ZNF491: variants seen among roughly 807,000 people sequenced by gnomAD.
The protein encoded by ZNF491 is zinc finger protein 491.
In ZNF491, 22 loss-of-function variants were observed where a neutral mutation model predicts 34.7. That is an observed-to-expected ratio of 0.63 (90% CI 0.45 to 0.90). The LOEUF is 0.90. Among genes scored for constraint, ZNF491 ranks in the 40% least tolerant of loss-of-function variants. The probability of loss-of-function intolerance (pLI) is 0.00; values close to 1 mark genes in which losing one functional copy is unlikely to be tolerated. For missense variants in ZNF491, 559 were observed against 531.7 expected (o/e 1.05, Z -0.51); for synonymous variants, 148 against 174.3 (o/e 0.85, Z 1.19).
chr19:11,803,542 T>C (rs1975577430), intron 1 of ZNF491, among the ~76,000 whole-genome samples: 1 of 152,222 alleles, frequency 6.6e-6, no homozygotes, highest in Admixed American at 6.5e-5. Flanking sequence ...CATGTCTCCT[T>C]GATCTGCTTT....
intron 1 of ZNF491, among the ~76,000 whole-genome samples, chr19:11,801,330 C>T (rs1055609518): frequency 2.0e-5 from 3 of 152,022 alleles, no homozygotes; most frequent in Admixed American, 2.0e-4. Flanking sequence ...TGTTTGTTGG[C>T]CATTTGTGTA....
Position 11,808,074 on chromosome 19 carries a change from G to A in ZNF491, c.*807G>A, listed in dbSNP as rs890375787. 1 of 167,020 alleles carries A rather than the reference G, an allele frequency of 6.0e-6. No individual in the cohort carries two copies. The highest frequency in any genetic ancestry group is 2.4e-5 in the African/African-American group (1 of 41,446). 10.3% of individuals were successfully genotyped at this position (167,020 alleles called of 1,614,324 possible). ...TATTTTTGAGGGAGCAAAGATTTCT[G>A]TACATATTTCTTAAAAATAGTTTAT... On this transcript the variant is annotated 3_prime_UTR_variant, in exon 3 of 3. Coordinates refer to ENST00000323169, the MANE Select transcript of ZNF491 (RefSeq NM_152356.4).
Position 11,806,994 on chromosome 19 carries a change from G to T in ZNF491, c.1041G>T (p.Arg347Ser). The change falls in exon 3 of 3, where the codon AGG becomes AGT. Residue 347 changes from arginine (R) to serine (S), a missense_variant. Transcript: ENST00000323169. The part of the protein sequence containing the change: ...RSAKYIRIHG[R>S]THTGEKPYEC... ...CCAAGTACATTCGAATACATGGAAG[G>T]ACTCACACTGGTGAGAAACCCTATG... 1 of 1,611,794 alleles carries T rather than the reference G, an allele frequency of 6.2e-7. No individual in the cohort carries two copies.
chr19:11,802,299 T>C lies in ZNF491; in HGVS notation c.-133-2243T>C, dbSNP rs190561976. Among the ~76,000 whole-genome samples, 441 of 152,322 alleles carry C rather than the reference T, an allele frequency of 2.9e-3. 2 individuals carry two copies. The highest frequency in any genetic ancestry group is 0.014 in the Middle Eastern group (4 of 294). On this transcript the variant is annotated intron_variant, in intron 1 of 2. Transcript: ENST00000323169. ...CAATCCCTTGGACAGTGTACATAGG[T>C]TCCAGTTTGTCAGCATGCTCATCAA...
At position 11,807,117 on chromosome 19, in the gene ZNF491, T is replaced by TG; in HGVS notation, c.1167dup (p.Lys390GlufsTer10). On this transcript the variant is annotated frameshift_variant, in exon 3 of 3. Transcript: ENST00000323169. LOFTEE classifies it high-confidence loss of function. ...AAAAACCTTATGAATGTAAGCATTG[T>TG]GGGAAAGCCTTCACTTGTTCCATAT... is the stretch of plus-strand genomic sequence containing the variant. The TG allele has an allele frequency of 6.2e-7, 1 of 1,612,536 alleles. No homozygotes were observed. Among genetic ancestry groups the TG allele is most frequent in the Non-Finnish European group, 8.5e-7 (1 of 1,179,486 alleles).
rs1288911385 is a variant in ZNF491, at chr19:11,798,882, C to T, written c.-134+155C>T. On this transcript the variant is annotated intron_variant, in intron 1 of 2. Transcript: ENST00000323169. The surrounding 1 kb of genome is among the most constrained non-coding windows in gnomAD (Gnocchi z 4.0). ...GTGGCTTGGCCCTCGGTCCGCTCGG[C>T]CGCCAGGTGGGGCTGGGCCCGCAGC... is the stretch of plus-strand genomic sequence containing the variant. Among the ~76,000 whole-genome samples, 1 of 152,200 alleles carries T rather than the reference C, an allele frequency of 6.6e-6. No individual in the cohort carries two copies. Among genetic ancestry groups the T allele is most frequent in the Non-Finnish European group, 1.5e-5 (1 of 68,040 alleles).
In ZNF491 at chr19:11,806,144, C is replaced by T. The variant is rs1313357508; in HGVS notation, c.191C>T (p.Pro64Leu). 2 of 1,613,858 alleles carry T rather than the reference C, an allele frequency of 1.2e-6. No homozygotes were observed. The highest frequency in any genetic ancestry group is 1.7e-5 in the Admixed American group (1 of 59,994). Residue 64 changes from proline to leucine, a missense_variant, in exon 3 of 3, where the codon CCA becomes CTA. Transcript: ENST00000323169. ...ATCAGAACTGACACTGGACACCAACCACATAAGTGTCAGAAATTTTTAGAG... is the reference window on the plus strand; with the variant it reads ...ATCAGAACTGACACTGGACACCAACTACATAAGTGTCAGAAATTTTTAGAG... ...RNIRTDTGHQ[P>L]HKCQKFLEKP...
intron 1 of ZNF491, among the ~76,000 whole-genome samples, chr19:11,802,779 C>G (rs905881266): frequency 6.6e-6 from 1 of 152,084 alleles, no homozygotes; most frequent in African/African-American, 2.4e-5. Context: ...TTTCCAGATA[C>G]CATCAAAGGT....
rs1007722002 is a variant in ZNF491, at chr19:11,808,298, C to T, written c.*1031C>T. ...TCGGGAGGCTGAGGCAGGAGAATCT[C>T]CTGAACCTGGGAGGTGGAGGTTGCA... On this transcript the variant is annotated 3_prime_UTR_variant, in exon 3 of 3. Transcript: ENST00000323169. Among the ~76,000 whole-genome samples the T allele has an allele frequency of 5.3e-5, 8 of 151,786 alleles. No homozygotes were observed. The highest frequency in any genetic ancestry group is 3.2e-3 in the Middle Eastern group (1 of 316).
At position 11,807,075 on chromosome 19, in the gene ZNF491, A is replaced by C; in HGVS notation, c.1122A>C (p.Glu374Asp). Residue 374 changes from glutamate (E) to aspartate (D), a missense_variant, in exon 3 of 3, where the codon GAA becomes GAC. Physicochemically the swap from Glu to Asp is conservative, Grantham distance 45 (BLOSUM62 2). Coordinates refer to ENST00000323169, the MANE Select transcript of ZNF491 (RefSeq NM_152356.4). ...FHCVSSFHRH[E>D]RTHAGEKPYE... Reference sequence around the variant, plus strand: ...GTGTCAGCTCCTTTCATAGACATGAAAGGACTCACGCTGGAGAAAAACCTT... The same window carrying C: ...GTGTCAGCTCCTTTCATAGACATGACAGGACTCACGCTGGAGAAAAACCTT... 1 of 1,609,124 alleles carries C rather than the reference A, an allele frequency of 6.2e-7. No homozygotes were observed.
At position 11,808,490 on chromosome 19, in the gene ZNF491, T is replaced by TG. The variant is rs567480928; in HGVS notation, c.*1225dup. ...TCTATTAAAATATCCCTTGTCAACA[T>TG]GGATCAGATCAAATGTATACTGTTA... On this transcript the variant is annotated 3_prime_UTR_variant, in exon 3 of 3. Coordinates refer to ENST00000323169, the MANE Select transcript of ZNF491 (RefSeq NM_152356.4). 7.0e-4 allele frequency among the ~76,000 whole-genome samples: 107 copies of TG among 152,312 alleles called. No homozygotes were observed. In the Middle Eastern group the frequency reaches 0.014, roughly 19 times the overall value.
chr19:11,800,716 A>C (rs1020540708), intron 1 of ZNF491, among the ~76,000 whole-genome samples: 1 of 152,010 alleles, frequency 6.6e-6, no homozygotes, highest in Non-Finnish European at 1.5e-5. Context: ...AGACACGGGA[A>C]AGAAAACATT....
chr19:11,799,963 C>T (rs1975541785), intron 1 of ZNF491, among the ~76,000 whole-genome samples: 1 of 151,870 alleles, frequency 6.6e-6, no homozygotes, highest in Non-Finnish European at 1.5e-5. Flanking sequence ...ATGATGGCCG[C>T]TTCTGTAGTT....
rs149832948 is a variant in ZNF491, at chr19:11,807,085, G to A, written c.1132G>A (p.Ala378Thr). 46 of 1,607,036 alleles carry A rather than the reference G, an allele frequency of 2.9e-5. 1 individual carries two copies. In the African/African-American group the frequency reaches 4.0e-4, roughly 14 times the overall value. Residue 378 changes from alanine to threonine, a missense_variant, in exon 3 of 3, where the codon GCT becomes ACT. By Grantham distance (58) the Ala-to-Thr change is moderately conservative. Coordinates refer to ENST00000323169, the MANE Select transcript of ZNF491 (RefSeq NM_152356.4). ...CTTTCATAGACATGAAAGGACTCAC[G>A]CTGGAGAAAAACCTTATGAATGTAA... ...SSFHRHERTH[A>T]GEKPYECKHC... is the part of the protein sequence containing the mutation.
chr19:11,804,741 A>C (rs951265828), intron 2 of ZNF491, 74 bp downstream of exon 2: 2 of 754,732 alleles, frequency 2.6e-6, no homozygotes, highest in East Asian at 5.3e-5. Flanking sequence ...CTATTCAGGG[A>C]TTTGGAATAT....
At chr19:11,805,345 G>GT (rs1975597120) in intron 2 of ZNF491, among the ~76,000 whole-genome samples, 1 of 146,482 alleles carries the variant, frequency 6.8e-6, no homozygotes. Context: ...GGAGGTGGAG[G>GT]TTGCAGTGAG....
intron 2 of ZNF491, among the ~76,000 whole-genome samples, 151 bp downstream of exon 2, chr19:11,804,818 G>T (rs1158543049): frequency 6.6e-6 from 1 of 152,130 alleles, no homozygotes; most frequent in Non-Finnish European, 1.5e-5. Context: ...GGAATCTAAT[G>T]ATTTTTAAAT....
intron 1 of ZNF491, among the ~76,000 whole-genome samples, chr19:11,802,598 A>G (rs571832652): frequency 6.6e-6 from 1 of 152,216 alleles, no homozygotes; most frequent in African/African-American, 2.4e-5. Flanking sequence ...ATCAATTACA[A>G]TTTATGTTGT....
In ZNF491 at chr19:11,808,329, C is replaced by T. The variant is rs567223009; in HGVS notation, c.*1062C>T. On this transcript the variant is annotated 3_prime_UTR_variant, in exon 3 of 3. Coordinates refer to ENST00000323169, the MANE Select transcript of ZNF491 (RefSeq NM_152356.4). ...CCTGGGAGGTGGAGGTTGCAGTGAG[C>T]CAAGATCACGCCACTGTACTCCAGC... Among the ~76,000 whole-genome samples the T allele has an allele frequency of 1.1e-4, 17 of 151,412 alleles. No homozygotes were observed. The highest frequency in any genetic ancestry group is 4.1e-4 in the African/African-American group (17 of 41,228).
Sources: allele counts gnomAD v4.1 joint callset (sites outside exome capture counted in the v4.1 genomes callset), GRCh38; gene constraint gnomAD v4.1.1; non-coding constraint Gnocchi (gnomAD v3.1); transcripts MANE v1.5; gene names NCBI Gene and HGNC (gene_info 2026-07-23, HGNC 2026-07-21).